PSMD6: variants seen among roughly 807,000 people sequenced by gnomAD.
PSMD6 encodes proteasome 26S subunit, non-ATPase 6, also known as 26S proteasome non-ATPase regulatory subunit 6.
PSMD6 carries 7 observed loss-of-function variants against 44.9 expected under a neutral mutation model. The ratio of observed to expected loss-of-function variants is 0.16; its 90% CI spans 0.09 to 0.29. The LOEUF (loss-of-function observed/expected upper bound fraction) is 0.29. Ranked by LOEUF, PSMD6 falls within the 10% of genes least tolerant of loss-of-function variation. The probability of loss-of-function intolerance (pLI) is 1.00; values close to 1 mark genes in which losing one functional copy is unlikely to be tolerated. For synonymous variants in PSMD6, 184 were observed against 172.7 expected (o/e 1.07, Z -0.51); for missense variants, 420 against 482.6 (o/e 0.87, Z 1.21).
In PSMD6 at chr3:64,010,992, T is replaced by G. The variant is rs377056625; in HGVS notation, c.996-37A>C. ...ACAAAAAATAACAGAATTAGCTTTA[T>G]AGAAAATTCTTAGAAAAATGCAAAC... On this transcript the variant is annotated intron_variant, in intron 6 of 7. Coordinates refer to ENST00000295901, the MANE Select transcript of PSMD6 (RefSeq NM_014814.3). 84 of 1,492,344 alleles carry G rather than the reference T, an allele frequency of 5.6e-5. No homozygotes were observed. Among genetic ancestry groups the G allele is most frequent in the Non-Finnish European group, 6.7e-5 (73 of 1,097,374 alleles). 92.4% of individuals were successfully genotyped at this position (1,492,344 alleles called of 1,614,324 possible).
Position 64,013,627 on chromosome 3 carries a change from A to AAATT in PSMD6, c.827-24_827-21dup. 2.5e-6 allele frequency: 4 copies of AAATT among 1,594,300 alleles called. No individual in the cohort carries two copies. Among genetic ancestry groups the AAATT allele is most frequent in the Non-Finnish European group, 3.4e-6 (4 of 1,171,608 alleles). ...CAACCGCTGCAATGAATAAAATGAC[A>AAATT]AATTATAATAGACTCTCCGTTTCAG... On this transcript the variant is annotated intron_variant, in intron 5 of 7. Transcript: ENST00000295901.
upstream of PSMD6, chr3:64,023,579 C>G (rs1033307570): frequency 4.2e-6 from 6 of 1,413,322 alleles, no homozygotes; most frequent in Non-Finnish European, 5.5e-6. Flanking sequence ...CCGGGAACGC[C>G]TCACCCGGCC....
intron 5 of PSMD6, chr3:64,016,417 T>C (rs2076044853): frequency 6.6e-6 from 1 of 151,776 alleles, no homozygotes; most frequent in Non-Finnish European, 1.5e-5. Context: ...TTAGAGCACA[T>C]TAGTACCAAG....
At chr3:64,022,278 C>G in intron 2 of PSMD6, 40 bp downstream of exon 2, 1 of 1,599,686 alleles carries the variant, frequency 6.3e-7, no homozygotes, top group Non-Finnish European at 8.6e-7. Context: ...CCAATTTTAG[C>G]CTATACTAAC....
chr3:64,018,980 A>C lies in PSMD6; in HGVS notation c.555T>G (p.Gly185=). 4 of 1,612,896 alleles carry C rather than the reference A, an allele frequency of 2.5e-6. No homozygotes were observed. Among genetic ancestry groups the C allele is most frequent in the Non-Finnish European group, 3.4e-6 (4 of 1,178,978 alleles). Residue 185 remains glycine (G), a synonymous_variant, in exon 4 of 8, where the codon GGT becomes GGG. Coordinates refer to ENST00000295901, the MANE Select transcript of PSMD6 (RefSeq NM_014814.3). ...DRRNRLKVYQ[G]LYCVAIRDFK... ...AATCACGAATAGCCACACAATAAAGACCCTGATACACTTTTAGGCGGTTTC... is the reference window on the plus strand; with the variant it reads ...AATCACGAATAGCCACACAATAAAGCCCCTGATACACTTTTAGGCGGTTTC...
intron 5 of PSMD6, 117 bp from the exon 6 acceptor site, chr3:64,013,724 T>C: frequency 1.1e-6 from 1 of 899,508 alleles, no homozygotes; most frequent in Non-Finnish European, 1.6e-6. Flanking sequence ...ATCAAATTTC[T>C]CACTGCCCTT....
intron 5 of PSMD6, chr3:64,015,867 G>GTTT (rs1239893752): frequency 2.6e-5 from 4 of 152,006 alleles, no homozygotes; most frequent in Admixed American, 6.6e-5. Context: ...GTTTTTAAAT[G>GTTT]TTTTTTCTTT....
chr3:64,022,233 T>C, intron 2 of PSMD6, 85 bp downstream of exon 2: 1 of 1,446,702 alleles, frequency 6.9e-7, no homozygotes, highest in Non-Finnish European at 9.5e-7. Flanking sequence ...ACGAAGTTAA[T>C]TTTTTTAATG....
intron 5 of PSMD6, chr3:64,016,893 A>G (rs1259257629): frequency 1.3e-5 from 2 of 152,256 alleles, no homozygotes; most frequent in Admixed American, 6.5e-5. Context: ...CAAAAAGTGC[A>G]ATCAACACAA....
chr3:64,018,099 A>T (rs1452745791), intron 5 of PSMD6, among the ~76,000 whole-genome samples: 1 of 152,252 alleles, frequency 6.6e-6, no homozygotes, highest in African/African-American at 2.4e-5. Context: ...AAATCAGCAC[A>T]GAGATTTAGC....
intron 5 of PSMD6, 99 bp downstream of exon 5, chr3:64,018,500 A>G (rs1209786552): frequency 3.5e-6 from 3 of 860,758 alleles, no homozygotes; most frequent in Admixed American, 5.2e-5. Context: ...CCTACACACT[A>G]CATTTCTCAG....
chr3:64,012,989 G>C (rs2075985710), intron 6 of PSMD6: 1 of 153,132 alleles, frequency 6.5e-6, no homozygotes, highest in Admixed American at 6.5e-5. Context: ...GTATTTATTT[G>C]TTTAATCACT....
intron 6 of PSMD6, chr3:64,011,804 A>G (rs1198714277): frequency 6.6e-6 from 1 of 152,272 alleles, no homozygotes; most frequent in Non-Finnish European, 1.5e-5. Context: ...CAGTTACGAT[A>G]CTGAAGAGAC....
rs768075252 is a variant in PSMD6 at position 64,022,407 on chromosome 3, G to C, written c.262C>G (p.Leu88Val). The C allele has an allele frequency of 1.2e-6, 2 of 1,614,044 alleles. No homozygotes were observed. Among genetic ancestry groups the C allele is most frequent in the African/African-American group, 2.7e-5 (2 of 74,918 alleles). ...EDELKRLDEE[L>V]EDAEKNLGES... ...CCTAGATTCTTCTCTGCATCTTCCA[G>C]CTCCTCATCCAAACGCTTCAACTCA... The change falls in exon 2 of 8, where the codon CTG becomes GTG. Residue 88 changes from leucine (L) to valine (V), a missense_variant. By Grantham distance (32) the Leu-to-Val change is conservative (BLOSUM62 1). Coordinates refer to ENST00000295901, the MANE Select transcript of PSMD6 (RefSeq NM_014814.3).
chr3:64,022,191 G>T, intron 2 of PSMD6, 127 bp downstream of exon 2: 1 of 1,047,794 alleles, frequency 9.5e-7, no homozygotes, highest in Non-Finnish European at 1.4e-6. Context: ...ACCAGTACAA[G>T]CAAGCATGAT....
intron 5 of PSMD6, chr3:64,015,595 T>C (rs541770987): frequency 4.6e-5 from 7 of 152,298 alleles, no homozygotes; most frequent in African/African-American, 1.7e-4. Context: ...ACTATATGTA[T>C]AGTGACATGA....
chr3:64,022,365 C>T lies in PSMD6; in HGVS notation c.304G>A (p.Asp102Asn). The T allele has an allele frequency of 1.2e-6, 2 of 1,614,238 alleles. No individual in the cohort carries two copies. The highest frequency in any genetic ancestry group is 1.7e-6 in the Non-Finnish European group (2 of 1,180,044). The part of the protein sequence containing the change: ...EKNLGESEIR[D>N]AMMAKAEYLC... ...TACTCGGCCTTTGCCATCATTGCAT[C>T]GCGAATTTCGCTCTCTCCTAGATTC... The change falls in exon 2 of 8, where the codon GAT (aspartate) becomes AAT (asparagine). Residue 102 changes from aspartate (D) to asparagine (N), a missense_variant. This residue lies in a region of PSMD6 where 5 missense variants were observed against 19.3 expected (regional missense o/e 0.26). Transcript: ENST00000295901.
At chr3:64,019,169 C>T in intron 3 of PSMD6, 127 bp downstream of exon 3, 1 of 1,380,826 alleles carries the variant, frequency 7.2e-7, no homozygotes, top group Non-Finnish European at 1.0e-6. Flanking sequence ...AATTATTTTA[C>T]TAAATAAGTA....
At position 64,022,443 on chromosome 3, in the gene PSMD6, CCTT is replaced by C; in HGVS notation, c.223_225del (p.Lys75del). The C allele has an allele frequency of 6.2e-7, 1 of 1,614,148 alleles. No individual in the cohort carries two copies. The highest frequency in any genetic ancestry group is 8.5e-7 in the Non-Finnish European group (1 of 1,179,974). On this transcript the variant is annotated inframe_deletion, in exon 2 of 8. Coordinates refer to ENST00000295901, the MANE Select transcript of PSMD6 (RefSeq NM_014814.3). ...AAACGCTTCAACTCATCTTCATTTG[CCTT>C]CTTCATTTTATTGAGTAGGTCCACG...
Sources: allele counts gnomAD v4.1 joint callset (sites outside exome capture counted in the v4.1 genomes callset), GRCh38; gene constraint gnomAD v4.1.1; regional missense constraint gnomAD v4.1.1; transcripts MANE v1.5; gene names NCBI Gene and HGNC (gene_info 2026-07-23, HGNC 2026-07-21).